Variants in LHFPL5 observed in about 807,000 individuals in gnomAD.
LHFPL5 encodes the protein LHFPL tetraspan subfamily member 5.
In LHFPL5, 12 loss-of-function variants were observed where a neutral mutation model predicts 18.7. The ratio of observed to expected loss-of-function variants is 0.64; its 90% CI spans 0.41 to 1.04. The LOEUF is 1.04. LHFPL5 is among the 50% of genes least tolerant of loss of function. The probability of loss-of-function intolerance (pLI) is 0.00; values close to 1 mark genes in which losing one functional copy is unlikely to be tolerated. For missense variants in LHFPL5, 259 were observed against 292.1 expected (o/e 0.89, Z 0.83); for synonymous variants, 111 against 120.2 (o/e 0.92, Z 0.50).
intron 3 of LHFPL5, among the ~76,000 whole-genome samples, chr6:35,821,324 A>C (rs533897225): frequency 6.6e-6 from 1 of 150,566 alleles, no homozygotes; most frequent in Non-Finnish European, 1.5e-5. Flanking sequence ...AAAAAAATGC[A>C]GATTCTGATT....
intron 1 of LHFPL5, chr6:35,811,558 CTG>C (rs1377379207): frequency 1.3e-5 from 2 of 152,290 alleles, no homozygotes; most frequent in African/African-American, 4.8e-5. Flanking sequence ...TCGCAGGGGA[CTG>C]TGGCACCAAC....
intron 3 of LHFPL5, among the ~76,000 whole-genome samples, chr6:35,821,104 G>T (rs1246514941): frequency 6.6e-6 from 1 of 152,112 alleles, no homozygotes; most frequent in Non-Finnish European, 1.5e-5. Flanking sequence ...AGGAGTTAGA[G>T]ACCAGCCTGG....
intron 1 of LHFPL5, among the ~76,000 whole-genome samples, chr6:35,811,903 C>T (rs1325583536): frequency 6.6e-6 from 1 of 152,176 alleles, no homozygotes; most frequent in Non-Finnish European, 1.5e-5. Flanking sequence ...TACATTCAGC[C>T]CCTGGGAGAG....
chr6:35,810,849 G>T (rs1243289449), intron 1 of LHFPL5, among the ~76,000 whole-genome samples: 1 of 147,012 alleles, frequency 6.8e-6, no homozygotes, highest in Non-Finnish European at 1.5e-5. Context: ...AAAAAAGAAA[G>T]AAAAGAAAAA....
At chr6:35,812,013 G>A (rs576317380) in intron 1 of LHFPL5, among the ~76,000 whole-genome samples, 2 of 152,312 alleles carry the variant, frequency 1.3e-5, no homozygotes, top group Middle Eastern at 3.4e-3. Flanking sequence ...TGACTGGATG[G>A]CTGGTAAGTC....
chr6:35,811,702 T>C (rs1156511793), intron 1 of LHFPL5, among the ~76,000 whole-genome samples: 3 of 152,212 alleles, frequency 2.0e-5, no homozygotes, highest in African/African-American at 7.2e-5. Flanking sequence ...CCTTCCCACC[T>C]TCACCTCTGC....
At chr6:35,806,133 C>A (rs765451712) in intron 1 of LHFPL5, 51 bp downstream of exon 1, 1 of 1,590,900 alleles carries the variant, frequency 6.3e-7, no homozygotes, top group Non-Finnish European at 8.6e-7. Flanking sequence ...GGGGCCACAG[C>A]TGCAGCTGCA....
chr6:35,819,286 T>G (rs1391440925), intron 2 of LHFPL5, 151 bp from the exon 3 acceptor site: 3 of 754,214 alleles, frequency 4.0e-6, no homozygotes, highest in Non-Finnish European at 7.2e-6. Flanking sequence ...TGCGATACAG[T>G]TACAAGCTGA....
At chr6:35,816,174 T>G in intron 2 of LHFPL5, among the ~76,000 whole-genome samples, 1 of 115,656 alleles carries the variant, frequency 8.6e-6, no homozygotes. Flanking sequence ...CGAGACTCCG[T>G]CTCAAAAAAA....
rs1312731248 is a variant in LHFPL5, at chr6:35,822,327, C to CT, written c.*17-647dup. Among the ~76,000 whole-genome samples, 4 of 151,938 alleles carry CT rather than the reference C, an allele frequency of 2.6e-5. No homozygotes were observed. The South Asian group carries it at 6.2e-4, about 24-fold the overall frequency. Reference sequence around the variant, plus strand: ...AGGGCAACCACACCTCTCTGTTTGCCTTTTTTTTCCTCACACTACATTTTA... The same window carrying CT: ...AGGGCAACCACACCTCTCTGTTTGCCTTTTTTTTTCCTCACACTACATTTTA... On this transcript the variant is annotated intron_variant, in intron 3 of 3. Transcript: ENST00000360215.
intron 3 of LHFPL5, among the ~76,000 whole-genome samples, chr6:35,820,387 C>T (rs142425266): frequency 1.3e-3 from 192 of 152,208 alleles, no homozygotes; most frequent in African/African-American, 4.6e-3. Flanking sequence ...TTAACAAGAA[C>T]ATTCAGGAAT....
At chr6:35,819,747 G>C (rs1351541554) in intron 3 of LHFPL5, 1 of 451,784 alleles carries the variant, frequency 2.2e-6, no homozygotes, top group East Asian at 4.3e-5. Flanking sequence ...GTGCGATCTC[G>C]GCTCACTGCA....
chr6:35,817,680 T>C (rs1393581862), intron 2 of LHFPL5, among the ~76,000 whole-genome samples: 1 of 152,208 alleles, frequency 6.6e-6, no homozygotes, highest in Non-Finnish European at 1.5e-5. Context: ...CCCACTAAGA[T>C]GATTATAATA....
In LHFPL5 at chr6:35,805,538, G is replaced by A; in HGVS notation, c.-133G>A. 1.2e-6 allele frequency: 1 copy of A among 842,922 alleles called. No individual in the cohort carries two copies. Among genetic ancestry groups the A allele is most frequent in the Non-Finnish European group, 1.9e-6 (1 of 515,982 alleles). 52.2% of individuals were successfully genotyped at this position (842,922 alleles called of 1,614,324 possible). A position where few individuals can be genotyped will look rare whatever the true frequency, so the allele number is the denominator to read the frequency against. The stretch of plus-strand genomic sequence containing the variant: ...AAGCCTCTTCCCCTTGCCTTGAAGG[G>A]ACCTCACCTGGTGCCCTGACCTCAG... On this transcript the variant is annotated 5_prime_UTR_variant, in exon 1 of 4. Transcript: ENST00000360215. The surrounding 1 kb of genome is among the most constrained non-coding windows in gnomAD (Gnocchi z 4.3).
At chr6:35,806,628 G>A (rs1768572970) in intron 1 of LHFPL5, among the ~76,000 whole-genome samples, 1 of 152,102 alleles carries the variant, frequency 6.6e-6, no homozygotes, top group Non-Finnish European at 1.5e-5. Flanking sequence ...CAGATTCTAA[G>A]GTCTCTTGCT....
At chr6:35,821,834 C>G (rs961868601) in intron 3 of LHFPL5, among the ~76,000 whole-genome samples, 1 of 142,466 alleles carries the variant, frequency 7.0e-6, no homozygotes, top group African/African-American at 2.6e-5. Context: ...AAGCCAGAAA[C>G]TCCACAGCAC....
chr6:35,823,446 T>TACACACAC lies in LHFPL5; in HGVS notation c.*482_*483insCACACACA, dbSNP rs1554147860. ...ACACATACATACACACACACATATATATACACACACACACACACACACACA... is the reference window on the plus strand; with the variant it reads ...ACACATACATACACACACACATATATACACACACATACACACACACACACACACACACA... On this transcript the variant is annotated 3_prime_UTR_variant, in exon 4 of 4. Transcript: ENST00000360215. The TACACACAC allele has an allele frequency of 2.5e-5, 2 of 79,574 alleles. No homozygotes were observed. The highest frequency in any genetic ancestry group is 1.2e-4 in the African/African-American group (2 of 16,580). The allele number at this position is 79,574 out of a possible 1,614,324, so 4.9% of individuals were successfully genotyped here.
At position 35,818,443 on chromosome 6, in the gene LHFPL5, T is replaced by C. The variant is rs566036301; in HGVS notation, c.650-994T>C. 1.0e-4 allele frequency among the ~76,000 whole-genome samples: 15 copies of C among 146,016 alleles called. No individual in the cohort carries two copies. The Admixed American group carries it at 1.1e-3, about 10-fold the overall frequency. ...GCATGATCTCAGCTCACTGCAACCT[T>C]CACCTCCTGGGCTCAAGTGATCCTC... is the stretch of plus-strand genomic sequence containing the variant. On this transcript the variant is annotated intron_variant, in intron 2 of 3. Coordinates refer to ENST00000360215, the MANE Select transcript of LHFPL5 (RefSeq NM_182548.4).
At chr6:35,817,910 C>T (rs1268000602) in intron 2 of LHFPL5, among the ~76,000 whole-genome samples, 1 of 152,184 alleles carries the variant, frequency 6.6e-6, no homozygotes, top group East Asian at 1.9e-4. Flanking sequence ...CACAAATGTT[C>T]ATGGCAGCAT....
Sources: allele counts gnomAD v4.1 joint callset (sites outside exome capture counted in the v4.1 genomes callset), GRCh38; gene constraint gnomAD v4.1.1; non-coding constraint Gnocchi (gnomAD v3.1); transcripts MANE v1.5; gene names NCBI Gene and HGNC (gene_info 2026-07-23, HGNC 2026-07-21).